ANKRD45: variants seen among roughly 807,000 people sequenced by gnomAD.
ANKRD45 encodes the protein ankyrin repeat domain 45, also known as ankyrin repeat domain-containing protein 45.
In ANKRD45, 21 loss-of-function variants were observed where a neutral mutation model predicts 28.1. The observed-to-expected ratio is 0.75, with a 90% confidence interval of 0.53 to 1.08. The LOEUF is 1.08. Ranked by LOEUF, ANKRD45 falls within the 50% of genes least tolerant of loss-of-function variation. The probability of loss-of-function intolerance (pLI) is 0.00; values close to 1 mark genes in which losing one functional copy is unlikely to be tolerated. For missense variants in ANKRD45, 261 were observed against 308.7 expected (o/e 0.85, Z 1.16); for synonymous variants, 86 against 103.9 (o/e 0.83, Z 1.05).
At chr1:173,689,253 T>C in the ANKRD45 span, among the ~76,000 whole-genome samples, 6 of 152,202 alleles carry the variant, frequency 3.9e-5, no homozygotes, top group Admixed American at 3.9e-4. Context: ...TCCCCCATAC[T>C]CTTTAGGGGG....
In ANKRD45 at chr1:173,650,544, T is replaced by G. The variant is rs148282408; in HGVS notation, c.329-3531A>C. Among the ~76,000 whole-genome samples, 182 of 152,326 alleles carry G rather than the reference T, an allele frequency of 1.2e-3. 1 individual carries two copies. The highest frequency in any genetic ancestry group is 4.3e-3 in the African/African-American group (179 of 41,580). On this transcript the variant is annotated intron_variant, in intron 2 of 5. Transcript: ENST00000333279. Reference sequence around the variant, plus strand: ...GGTTCCAAGTCTTTGCTATTGTGAATAGTGCCGCAATAAACATACGTGTGC... The same window carrying G: ...GGTTCCAAGTCTTTGCTATTGTGAAGAGTGCCGCAATAAACATACGTGTGC...
chr1:173,667,151 A>G (rs1670060359), intron 1 of ANKRD45, among the ~76,000 whole-genome samples: 1 of 152,182 alleles, frequency 6.6e-6, no homozygotes, highest in Admixed American at 6.5e-5. Context: ...TGGGCTTTTA[A>G]AAATATTACA....
At chr1:173,676,414 C>T in the ANKRD45 span, among the ~76,000 whole-genome samples, 18 of 152,028 alleles carry the variant, frequency 1.2e-4, no homozygotes, top group South Asian at 2.1e-4. Flanking sequence ...GGATCAGCAA[C>T]GTTTTAAACA....
Position 173,633,981 on chromosome 1 carries a change from G to A in ANKRD45, c.497-6822C>T, listed in dbSNP as rs542651779. ...AGCAGAGGCAACCAAAGAAAAAATC[G>A]ACAAATGGGATTATTACGTTAAAAA... On this transcript the variant is annotated intron_variant, in intron 3 of 5. Coordinates refer to ENST00000333279, the MANE Select transcript of ANKRD45 (RefSeq NM_198493.3). Among the ~76,000 whole-genome samples the A allele has an allele frequency of 2.0e-4, 31 of 151,986 alleles. No individual in the cohort carries two copies. In the East Asian group the frequency reaches 2.3e-3, roughly 11 times the overall value.
chr1:173,709,550 G>C, the ANKRD45 span, among the ~76,000 whole-genome samples: 1 of 152,116 alleles, frequency 6.6e-6, no homozygotes, highest in Non-Finnish European at 1.5e-5. Context: ...AAGAGGCATA[G>C]AAGACTTAGG....
the ANKRD45 span, among the ~76,000 whole-genome samples, chr1:173,706,835 G>A: frequency 6.6e-6 from 1 of 152,134 alleles, no homozygotes; most frequent in South Asian, 2.1e-4. Context: ...AAAGGTCAAT[G>A]CAAATGTCAT....
At chr1:173,690,880 A>G in the ANKRD45 span, among the ~76,000 whole-genome samples, 1 of 151,864 alleles carries the variant, frequency 6.6e-6, no homozygotes, top group Non-Finnish European at 1.5e-5. Context: ...GTAAGCCTCA[A>G]TTTCCCCACT....
the ANKRD45 span, among the ~76,000 whole-genome samples, chr1:173,690,070 C>T: frequency 9.5e-6 from 1 of 105,136 alleles, no homozygotes; most frequent in African/African-American, 3.6e-5. Context: ...CCGCCCCCCC[C>T]CCCCCCGACC....
At chr1:173,692,191 G>T in the ANKRD45 span, among the ~76,000 whole-genome samples, 3 of 152,174 alleles carry the variant, frequency 2.0e-5, no homozygotes, top group East Asian at 1.9e-4. Context: ...AGAAGGCAAA[G>T]AATTGAACAT....
the ANKRD45 span, among the ~76,000 whole-genome samples, chr1:173,677,244 C>T: frequency 8.6e-5 from 13 of 150,914 alleles, 1 homozygote; most frequent in South Asian, 2.7e-3. Flanking sequence ...AAACAATAAA[C>T]CCTAATAAAA....
At chr1:173,709,200 G>T in the ANKRD45 span, among the ~76,000 whole-genome samples, 1 of 152,110 alleles carries the variant, frequency 6.6e-6, no homozygotes, top group South Asian at 2.1e-4. Flanking sequence ...TTATCTAGAG[G>T]TTCAACTGGG....
the ANKRD45 span, among the ~76,000 whole-genome samples, chr1:173,677,689 C>G: frequency 6.6e-6 from 1 of 151,990 alleles, no homozygotes; most frequent in Admixed American, 6.6e-5. Flanking sequence ...CCATTTTAGA[C>G]CCAGGAGTCA....
At chr1:173,705,731 T>G in the ANKRD45 span, among the ~76,000 whole-genome samples, 2 of 152,060 alleles carry the variant, frequency 1.3e-5, no homozygotes, top group Non-Finnish European at 2.9e-5. Context: ...TAAGAACATT[T>G]AATAAATAAA....
chr1:173,699,584 T>A, the ANKRD45 span, among the ~76,000 whole-genome samples: 1 of 152,108 alleles, frequency 6.6e-6, no homozygotes, highest in Non-Finnish European at 1.5e-5. Flanking sequence ...CATGATTATC[T>A]CAATAGATGC....
At chr1:173,669,531 A>C (rs1670171119) in intron 1 of ANKRD45, 1 of 454,926 alleles carries the variant, frequency 2.2e-6, no homozygotes, top group Non-Finnish European at 4.4e-6. Flanking sequence ...CAGCGCCGCC[A>C]GGTGATCCAG....
At chr1:173,625,331 CA>C (rs1667885699) in intron 4 of ANKRD45, among the ~76,000 whole-genome samples, 1 of 151,926 alleles carries the variant, frequency 6.6e-6, no homozygotes, top group Admixed American at 6.6e-5. Context: ...GAAGTACTTG[CA>C]AAGACCAGAA....
chr1:173,660,372 C>T (rs1369575323), intron 1 of ANKRD45, among the ~76,000 whole-genome samples: 2 of 152,108 alleles, frequency 1.3e-5, no homozygotes, highest in African/African-American at 4.8e-5. Flanking sequence ...AGAAGATGAG[C>T]ATAAACTGGT....
the ANKRD45 span, among the ~76,000 whole-genome samples, chr1:173,690,985 A>C: frequency 6.6e-6 from 1 of 151,952 alleles, no homozygotes; most frequent in Non-Finnish European, 1.5e-5. Context: ...GAAATTTCTC[A>C]CCTTTTCTAC....
chr1:173,701,920 A>G, the ANKRD45 span, among the ~76,000 whole-genome samples: 1 of 152,174 alleles, frequency 6.6e-6, no homozygotes, highest in Non-Finnish European at 1.5e-5. Context: ...CAATAATAAT[A>G]TAAGATAGAG....
Sources: gnomAD v4.1 joint callset for allele counts (sites outside exome capture counted in the v4.1 genomes callset) on GRCh38, gnomAD v4.1.1 for gene constraint, MANE v1.5 for transcripts, NCBI Gene and HGNC (gene_info 2026-07-23, HGNC 2026-07-21) for gene names.